NF1: variants seen among roughly 807,000 people sequenced by gnomAD.
The protein encoded by NF1 is neurofibromin 1, also known as neurofibromin.
Under a neutral mutation model 325.7 loss-of-function variants are expected in NF1, and 122 were observed. That is an observed-to-expected ratio of 0.37 (90% CI 0.32 to 0.44). The LOEUF is 0.44. NF1 is among the 20% of genes least tolerant of loss of function. The pLI is 1.00. For missense variants in NF1, 2,140 were observed against 3,415.4 expected, an observed-to-expected ratio of 0.63 and a Z score of 9.31; for synonymous variants, 1,091 against 1,186.0, an observed-to-expected ratio of 0.92 and a Z score of 1.65.
intron 36 of NF1, chr17:31,320,516 A>G (rs1235379595): frequency 1.3e-5 from 15 of 1,180,940 alleles, no homozygotes; most frequent in East Asian, 4.7e-5. Flanking sequence ...TTTGTATACT[A>G]TTAAAATACA....
intron 36 of NF1, among the ~76,000 whole-genome samples, chr17:31,305,797 A>G (rs941066938): frequency 1.3e-5 from 2 of 152,218 alleles, no homozygotes; most frequent in Non-Finnish European, 2.9e-5. Context: ...GATACACTGT[A>G]GGTTTGGTGT....
intron 4 of NF1, among the ~76,000 whole-genome samples, chr17:31,169,322 C>T (rs993166343): frequency 7.2e-5 from 11 of 152,086 alleles, no homozygotes; most frequent in East Asian, 1.9e-4. Context: ...GGCCGAAAGT[C>T]GGCAATATTT....
In NF1 at chr17:31,258,362, C is replaced by T. The variant is rs2151461818; in HGVS notation, c.4192C>T (p.Pro1398Ser). The T allele has an allele frequency of 6.2e-7, 1 of 1,613,776 alleles. No homozygotes were observed. The highest frequency in any genetic ancestry group is 2.2e-5 in the East Asian group (1 of 44,836). ...TTTTTAGGTGGTTAGCCAGCGTTTC[C>T]CTCAGAACAGCATCGGTGCAGTAGG... ...NKKSVVSQRF[P>S]QNSIGAVGSA... Residue 1398 changes from proline to serine, a missense_variant, in exon 32 of 58, where the codon CCT (proline) becomes TCT (serine). By Grantham distance (74) the Pro-to-Ser change is moderately conservative (BLOSUM62 -1). Transcript: ENST00000358273.
chr17:31,256,997 C>T (rs2067594091), intron 31 of NF1, among the ~76,000 whole-genome samples: 1 of 152,108 alleles, frequency 6.6e-6, no homozygotes, highest in Non-Finnish European at 1.5e-5. Context: ...AGGTTATAAG[C>T]AGTGATAACA....
intron 12 of NF1, among the ~76,000 whole-genome samples, chr17:31,208,669 T>C (rs2066667073): frequency 6.6e-6 from 1 of 152,256 alleles, no homozygotes; most frequent in Admixed American, 6.5e-5. Flanking sequence ...GGTGTGCGGA[T>C]CACCTGAGGT....
At chr17:31,103,043 G>A (rs1047774648) in intron 1 of NF1, among the ~76,000 whole-genome samples, 8 of 151,584 alleles carry the variant, frequency 5.3e-5, no homozygotes, top group Admixed American at 2.0e-4. Flanking sequence ...ACAAGGGTTC[G>A]CCATGTTAGC....
At chr17:31,360,234 A>G (rs1168020621) in intron 56 of NF1, 1 of 501,842 alleles carries the variant, frequency 2.0e-6, no homozygotes, top group African/African-American at 1.9e-5. Context: ...TTGTCTCAGT[A>G]TTACATTCAG....
intron 5 of NF1, among the ~76,000 whole-genome samples, chr17:31,175,107 CA>C (rs1171161386): frequency 0.027 from 787 of 28,996 alleles, no homozygotes; most frequent in African/African-American, 0.12. Flanking sequence ...GACTCCATCT[CA>C]AAAAAAAAAA....
chr17:31,156,261 T>C (rs2065660998), intron 2 of NF1, 135 bp downstream of exon 2: 1 of 1,082,160 alleles, frequency 9.2e-7, no homozygotes, highest in Non-Finnish European at 1.4e-6. Flanking sequence ...TCTTATTTTG[T>C]TTACGAGCAC....
chr17:31,187,062 C>T (rs1375013616), intron 8 of NF1, among the ~76,000 whole-genome samples: 10 of 152,166 alleles, frequency 6.6e-5, no homozygotes, highest in Admixed American at 6.5e-4. Context: ...AATGCTTCTG[C>T]CAAGATTACC....
intron 36 of NF1, among the ~76,000 whole-genome samples, chr17:31,315,512 C>T (rs1056881500): frequency 1.1e-4 from 17 of 152,014 alleles, no homozygotes; most frequent in Non-Finnish European, 2.2e-4. Flanking sequence ...CATCTCATTA[C>T]CCTTTAAATA....
intron 25 of NF1, 95 bp downstream of exon 25, chr17:31,232,284 G>A: frequency 1.3e-6 from 1 of 780,354 alleles, no homozygotes; most frequent in Non-Finnish European, 2.2e-6. Flanking sequence ...GACAGGACTA[G>A]GATAGGAAAA....
chr17:31,123,701 A>G (rs1191862355), intron 1 of NF1, among the ~76,000 whole-genome samples: 1 of 152,226 alleles, frequency 6.6e-6, no homozygotes, highest in Non-Finnish European at 1.5e-5. Context: ...TATCTTAGTC[A>G]GTTTAGGCTG....
chr17:31,224,113 C>G (rs1286257134), intron 16 of NF1, among the ~76,000 whole-genome samples: 3 of 152,082 alleles, frequency 2.0e-5, no homozygotes, highest in Non-Finnish European at 4.4e-5. Flanking sequence ...GTTGAGGGTC[C>G]TCAATCTAGA....
chr17:31,288,533 T>TC (rs2068285061), intron 36 of NF1, among the ~76,000 whole-genome samples: 2 of 51,136 alleles, frequency 3.9e-5, no homozygotes, highest in East Asian at 9.0e-4. Context: ...TTTTTTTTTT[T>TC]TTTTTTTTTT....
chr17:31,260,589 A>T (rs2067668086), intron 34 of NF1, 74 bp downstream of exon 34: 1 of 1,524,702 alleles, frequency 6.6e-7, no homozygotes, highest in African/African-American at 1.4e-5. Context: ...TTGGTCATGA[A>T]TAGTGCTTTT....
At position 31,318,619 on chromosome 17, in the gene NF1, T is replaced by C; in HGVS notation, c.4836-7201T>C. 1.2e-6 allele frequency: 2 copies of C among 1,613,636 alleles called. No individual in the cohort carries two copies. The highest frequency in any genetic ancestry group is 1.7e-6 in the Non-Finnish European group (2 of 1,179,678). ...AATTAAGCAAATTAGCATAGCCATGTTGTTGTTGTTTTCCGCACAGACATC... is the reference window on the plus strand; with the variant it reads ...AATTAAGCAAATTAGCATAGCCATGCTGTTGTTGTTTTCCGCACAGACATC... On this transcript the variant is annotated intron_variant, in intron 36 of 57. Transcript: ENST00000358273.
chr17:31,268,582 G>A (rs2067832321), intron 36 of NF1, among the ~76,000 whole-genome samples: 2 of 146,152 alleles, frequency 1.4e-5, no homozygotes, highest in Admixed American at 6.9e-5. Flanking sequence ...AACCAAGATT[G>A]CACCACTGCA....
At chr17:31,149,756 G>A (rs1567811561) in intron 1 of NF1, among the ~76,000 whole-genome samples, 1 of 152,148 alleles carries the variant, frequency 6.6e-6, no homozygotes, top group Non-Finnish European at 1.5e-5. Context: ...GGGGAAATCT[G>A]AGAAGTCAAA....
Sources: gnomAD v4.1 joint callset for allele counts (sites outside exome capture counted in the v4.1 genomes callset) on GRCh38, gnomAD v4.1.1 for gene constraint, MANE v1.5 for transcripts, NCBI Gene and HGNC (gene_info 2026-07-23, HGNC 2026-07-21) for gene names.